Variants in GLB1L3 observed in about 807,000 individuals in gnomAD.
GLB1L3 encodes the protein beta-galactosidase-1-like protein 3.
A neutral mutation model predicts 89.5 loss-of-function variants in GLB1L3; 89 were observed. That is an observed-to-expected ratio of 0.99 (90% CI 0.84 to 1.19). The LOEUF is 1.19. Among genes scored for constraint, GLB1L3 ranks in the 50% most tolerant of loss-of-function variants. The pLI is 0.00. For synonymous variants in GLB1L3, 314 were observed against 312.3 expected, an observed-to-expected ratio of 1.01 and a Z score of -0.06; for missense variants, 812 against 813.3, an observed-to-expected ratio of 1.00 and a Z score of 0.02.
At chr11:134,292,310 C>T in intron 8 of GLB1L3, 97 bp downstream of exon 8, 1 of 777,412 alleles carries the variant, frequency 1.3e-6, no homozygotes. Flanking sequence ...CATCTCGATA[C>T]CTCCCTTTCC....
chr11:134,310,880 T>A, intron 12 of GLB1L3, 184 bp from the exon 13 acceptor site: 1 of 628,622 alleles, frequency 1.6e-6, no homozygotes. Context: ...AGCATAAAGA[T>A]AGTAACCTTG....
At chr11:134,315,765 GTATT>G (rs575218142) in intron 18 of GLB1L3, among the ~76,000 whole-genome samples, 26 of 152,120 alleles carry the variant, frequency 1.7e-4, no homozygotes, top group African/African-American at 6.0e-4. Flanking sequence ...ACTGTGTTAA[GTATT>G]TATTTTCTGA....
At chr11:134,322,688 G>C (rs987403802), downstream of GLB1L3, among the ~76,000 whole-genome samples, 1 of 152,088 alleles carries the variant, frequency 6.6e-6, no homozygotes, top group Non-Finnish European at 1.5e-5. Flanking sequence ...CTTTGTGTTT[G>C]GCTTCTTTCA....
chr11:134,291,500 C>A (rs1282663867), intron 7 of GLB1L3, among the ~76,000 whole-genome samples: 1 of 152,164 alleles, frequency 6.6e-6, no homozygotes, highest in Non-Finnish European at 1.5e-5. Context: ...CCTGCCTTGA[C>A]CTCCCAAAGT....
chr11:134,278,594 G>C (rs1434401853), intron 3 of GLB1L3, among the ~76,000 whole-genome samples: 1 of 152,066 alleles, frequency 6.6e-6, no homozygotes. Flanking sequence ...CACCCTGTAT[G>C]ACCACAAAAA....
intron 9 of GLB1L3, among the ~76,000 whole-genome samples, chr11:134,293,826 A>G (rs977968807): frequency 2.0e-5 from 3 of 151,538 alleles, no homozygotes; most frequent in African/African-American, 7.3e-5. Context: ...TCTGCTTAAC[A>G]CCCTCTCCTG....
chr11:134,311,003 G>A, intron 12 of GLB1L3, 61 bp from the exon 13 acceptor site: 2 of 1,169,832 alleles, frequency 1.7e-6, no homozygotes, highest in Non-Finnish European at 2.6e-6. Flanking sequence ...GGCATGGGGG[G>A]CTTAGAGAAG....
chr11:134,308,482 ACCAC>A (rs1942482409), intron 10 of GLB1L3, among the ~76,000 whole-genome samples: 1 of 6,050 alleles, frequency 1.7e-4, no homozygotes, highest in Non-Finnish European at 3.5e-4. Flanking sequence ...AAATACCACC[ACCAC>A]CATCACCACC....
downstream of GLB1L3, among the ~76,000 whole-genome samples, chr11:134,323,233 A>G (rs1943186831): frequency 6.6e-6 from 1 of 152,200 alleles, no homozygotes; most frequent in Non-Finnish European, 1.5e-5. Flanking sequence ...TAAGATAACA[A>G]AAATTGGCTG....
At chr11:134,281,324 T>C in intron 3 of GLB1L3, 53 bp from the exon 4 acceptor site, 5 of 1,607,958 alleles carry the variant, frequency 3.1e-6, no homozygotes, top group Admixed American at 1.7e-5. Flanking sequence ...ACCTAACAAT[T>C]TGGAGGAAGA....
In GLB1L3 at chr11:134,288,713, T is replaced by G. The variant is rs577667258; in HGVS notation, c.637-85T>G. ...GGATCAGAGCCTGCCGCACCAGCTG[T>G]GCAGCCTTCGGCAGCAAGCTCAGAG... On this transcript the variant is annotated intron_variant, in intron 6 of 19. Transcript: ENST00000431683. The G allele has an allele frequency of 4.4e-6, 4 of 918,706 alleles. No homozygotes were observed. The Admixed American group carries it at 9.3e-5, about 21-fold the overall frequency. The allele number at this position is 918,706 out of a possible 1,614,324, so 56.9% of individuals were successfully genotyped here. A position where few individuals can be genotyped will look rare whatever the true frequency, so the allele number is the denominator to read the frequency against.
intron 7 of GLB1L3, 144 bp from the exon 8 acceptor site, chr11:134,291,988 A>T (rs1941386924): frequency 7.9e-6 from 5 of 632,962 alleles, no homozygotes; most frequent in African/African-American, 7.4e-5. Context: ...AAAAAAATTT[A>T]AAATTAAAAA....
intron 9 of GLB1L3, among the ~76,000 whole-genome samples, chr11:134,294,241 AC>A (rs1565400717): frequency 6.6e-6 from 1 of 151,700 alleles, no homozygotes; most frequent in Non-Finnish European, 1.5e-5. Context: ...TAATTTTTGT[AC>A]TTTTTGGTAG....
intron 9 of GLB1L3, among the ~76,000 whole-genome samples, chr11:134,296,836 T>TATAATAATA (rs371941998): frequency 0.38 from 53,686 of 141,834 alleles, 10,663 homozygotes; most frequent in Non-Finnish European, 0.43. Flanking sequence ...AAACTTAAAG[T>TATAATAATA]ATAATAATAA....
chr11:134,308,600 TCCAC>T (rs1942534431), intron 10 of GLB1L3, among the ~76,000 whole-genome samples: 2 of 77,320 alleles, frequency 2.6e-5, no homozygotes, highest in Non-Finnish European at 5.2e-5. Context: ...CACCATCACC[TCCAC>T]CACCACCACC....
chr11:134,305,583 C>T (rs1193248440), intron 9 of GLB1L3, among the ~76,000 whole-genome samples: 1 of 152,082 alleles, frequency 6.6e-6, no homozygotes, highest in Admixed American at 6.5e-5. Context: ...CACCAGAAGT[C>T]AGTCTTTCCT....
Position 134,308,353 on chromosome 11 carries a change from C to T in GLB1L3, c.961+1145C>T, listed in dbSNP as rs866372837. On this transcript the variant is annotated intron_variant, in intron 10 of 19. Coordinates refer to ENST00000431683, the MANE Select transcript of GLB1L3 (RefSeq NM_001080407.3). ...ATCACCATCACCATCATCACCATCA[C>T]CACTACCACCACCACCACCACCACC... Among the ~76,000 whole-genome samples, 19 of 31,314 alleles carry T rather than the reference C, an allele frequency of 6.1e-4. 2 individuals are homozygous for T. Among genetic ancestry groups the T allele is most frequent in the Non-Finnish European group, 4.4e-4 (6 of 13,494 alleles). The allele number at this position is 31,314 out of a possible 152,430, so 20.5% of individuals were successfully genotyped here. A position where few individuals can be genotyped will look rare whatever the true frequency, so the allele number is the denominator to read the frequency against.
chr11:134,278,056 C>T, intron 3 of GLB1L3, 144 bp downstream of exon 3: 2 of 759,998 alleles, frequency 2.6e-6, no homozygotes, highest in Admixed American at 2.7e-5. Context: ...AATGCTTAAG[C>T]GTCCAGCTGT....
rs750072219 is a variant in GLB1L3 at position 134,313,927 on chromosome 11, A to G, written c.1580-14A>G. Reference sequence around the variant, plus strand: ...GCTCATATTCTCTTTCCTGCCTCCCATCTGCATCTGCAGGAATAACTGGAT... The same window carrying G: ...GCTCATATTCTCTTTCCTGCCTCCCGTCTGCATCTGCAGGAATAACTGGAT... On this transcript the variant is annotated splice_polypyrimidine_tract_variant and intron_variant, in intron 16 of 19. Transcript: ENST00000431683. 1.0e-5 allele frequency: 16 copies of G among 1,559,122 alleles called. No homozygotes were observed. Among genetic ancestry groups the G allele is most frequent in the East Asian group, 2.2e-5 (1 of 44,610 alleles).
Sources: allele counts gnomAD v4.1 joint callset (sites outside exome capture counted in the v4.1 genomes callset), GRCh38; gene constraint gnomAD v4.1.1; transcripts MANE v1.5; gene names NCBI Gene and HGNC (gene_info 2026-07-23, HGNC 2026-07-21).